Variants in NALCN observed in about 807,000 individuals in gnomAD.
NALCN encodes the protein sodium leak channel, non-selective.
NALCN carries 111 observed loss-of-function variants against 225.3 expected under a neutral mutation model. The ratio of observed to expected loss-of-function variants is 0.49; its 90% confidence interval spans 0.42 to 0.58. The LOEUF is 0.58. NALCN is among the 20% of genes least tolerant of loss of function. NALCN has a pLI of 0.00. For missense variants in NALCN, 1,378 were observed against 2,202.4 expected, an observed-to-expected ratio of 0.63 and a Z score of 7.49; for synonymous variants, 764 against 769.0, an observed-to-expected ratio of 0.99 and a Z score of 0.11.
At chr13:101,257,139 G>A (rs1295631244) in intron 11 of NALCN, among the ~76,000 whole-genome samples, 1 of 151,588 alleles carries the variant, frequency 6.6e-6, no homozygotes, top group Non-Finnish European at 1.5e-5. Flanking sequence ...TTCAGAGGCT[G>A]GGCTGGATAT....
chr13:101,178,987 T>A (rs1299466637), intron 14 of NALCN, among the ~76,000 whole-genome samples: 2 of 152,070 alleles, frequency 1.3e-5, no homozygotes, highest in Non-Finnish European at 2.9e-5. Context: ...CTTAATTATA[T>A]CCCCCAAACT....
At chr13:101,106,721 G>A (rs973823149) in intron 22 of NALCN, among the ~76,000 whole-genome samples, 1 of 152,148 alleles carries the variant, frequency 6.6e-6, no homozygotes, top group African/African-American at 2.4e-5. Context: ...TCTCTTGTCT[G>A]CTGCCATGTA....
At chr13:101,198,365 T>C (rs1344273144) in intron 13 of NALCN, among the ~76,000 whole-genome samples, 1 of 152,128 alleles carries the variant, frequency 6.6e-6, no homozygotes, top group East Asian at 1.9e-4. Context: ...ACTTACAGAA[T>C]GGGAGAAAAT....
At chr13:101,187,984 C>A (rs1231133546) in intron 14 of NALCN, among the ~76,000 whole-genome samples, 1 of 152,126 alleles carries the variant, frequency 6.6e-6, no homozygotes, top group Non-Finnish European at 1.5e-5. Flanking sequence ...GGTATCTGGG[C>A]TTGCAGGTCC....
intron 13 of NALCN, among the ~76,000 whole-genome samples, chr13:101,201,150 T>G (rs1395115343): frequency 1.3e-5 from 2 of 152,176 alleles, no homozygotes; most frequent in African/African-American, 4.8e-5. Flanking sequence ...GGGTCTATAC[T>G]ATTTTTTTTG....
intron 40 of NALCN, among the ~76,000 whole-genome samples, chr13:101,064,022 A>G (rs1660773894): frequency 6.6e-6 from 1 of 152,244 alleles, no homozygotes; most frequent in Non-Finnish European, 1.5e-5. Context: ...AACGGCAGTG[A>G]TAAAGTAACA....
At chr13:101,210,281 C>T (rs1008059360) in intron 13 of NALCN, among the ~76,000 whole-genome samples, 2 of 152,068 alleles carry the variant, frequency 1.3e-5, no homozygotes, top group African/African-American at 2.4e-5. Context: ...ATTAAGATTT[C>T]AACATTGATT....
At chr13:101,394,491 T>C (rs1409270855) in intron 3 of NALCN, among the ~76,000 whole-genome samples, 1 of 152,204 alleles carries the variant, frequency 6.6e-6, no homozygotes, top group Non-Finnish European at 1.5e-5. Flanking sequence ...CTTCCCCAAA[T>C]AGTACAATTT....
At chr13:101,126,377 GA>G (rs749565148) in intron 17 of NALCN, among the ~76,000 whole-genome samples, 2 of 152,136 alleles carry the variant, frequency 1.3e-5, no homozygotes, top group Non-Finnish European at 2.9e-5. Context: ...AAGGAGACAA[GA>G]GTGGATACCA....
At chr13:101,333,673 C>A (rs1194985218) in intron 7 of NALCN, among the ~76,000 whole-genome samples, 1 of 152,150 alleles carries the variant, frequency 6.6e-6, no homozygotes, top group Non-Finnish European at 1.5e-5. Flanking sequence ...TCTTCATTAG[C>A]CTTGAGGTAA....
rs58134950 is a variant in NALCN, at chr13:101,204,971, G to A, written c.1627-12917C>T. Among the ~76,000 whole-genome samples, 9 of 152,236 alleles carry A rather than the reference G, an allele frequency of 5.9e-5. No individual in the cohort carries two copies. In the East Asian group the frequency reaches 1.7e-3, roughly 29 times the overall value. ...GATATAATGGCCCCTACTGCAGATGGAGAGCTGAAGTACATAGGGTTTAAA... is the reference window on the plus strand; with the variant it reads ...GATATAATGGCCCCTACTGCAGATGAAGAGCTGAAGTACATAGGGTTTAAA... On this transcript the variant is annotated intron_variant, in intron 13 of 43. Transcript: ENST00000251127.
intron 7 of NALCN, among the ~76,000 whole-genome samples, chr13:101,314,135 C>T (rs1281185405): frequency 6.5e-5 from 8 of 123,142 alleles, no homozygotes; most frequent in Middle Eastern, 7.5e-3. Context: ...CACAGGAAGG[C>T]GAACATCACA....
rs74120427 is a variant in NALCN at position 101,233,121 on chromosome 13, C to T, written c.1435-3537G>A. 7.7e-3 allele frequency among the ~76,000 whole-genome samples: 1,170 copies of T among 152,100 alleles called. 15 individuals are homozygous for T. Among genetic ancestry groups the T allele is most frequent in the African/African-American group, 0.026 (1,084 of 41,468 alleles). ...TCAGCAGGTTTTTCACTCTATCTAC[C>T]CTATAAAGATTTTTGATTTTGTGTT... On this transcript the variant is annotated intron_variant, in intron 12 of 43. Coordinates refer to ENST00000251127, the MANE Select transcript of NALCN (RefSeq NM_052867.4).
At chr13:101,297,453 T>C (rs2043798321) in intron 7 of NALCN, among the ~76,000 whole-genome samples, 1 of 152,218 alleles carries the variant, frequency 6.6e-6, no homozygotes, top group African/African-American at 2.4e-5. Context: ...TCCATTTCTT[T>C]CTCTCTCCCA....
At position 101,304,998 on chromosome 13, in the gene NALCN, G is replaced by A. The variant is rs538491297; in HGVS notation, c.800-12632C>T. ...TCTTGATCTCCTGACCTCGTGATCC[G>A]CCCGCCTCAGCCTCCCAAAGTGCTG... On this transcript the variant is annotated intron_variant, in intron 7 of 43. Coordinates refer to ENST00000251127, the MANE Select transcript of NALCN (RefSeq NM_052867.4). Among the ~76,000 whole-genome samples the A allele has an allele frequency of 1.1e-3, 160 of 151,488 alleles. 1 individual carries two copies. The highest frequency in any genetic ancestry group is 3.7e-3 in the African/African-American group (153 of 41,316).
intron 6 of NALCN, among the ~76,000 whole-genome samples, chr13:101,349,050 G>A (rs1211010891): frequency 6.6e-6 from 1 of 152,052 alleles, no homozygotes; most frequent in Admixed American, 6.6e-5. Flanking sequence ...AGTTGGGGGT[G>A]GGGTGGATGG....
intron 13 of NALCN, among the ~76,000 whole-genome samples, chr13:101,228,980 A>G (rs958290701): frequency 2.6e-5 from 4 of 152,182 alleles, no homozygotes; most frequent in African/African-American, 7.2e-5. Context: ...ATTTTATTTT[A>G]TTGAAAATCA....
intron 15 of NALCN, among the ~76,000 whole-genome samples, chr13:101,168,061 C>A: frequency 6.6e-6 from 1 of 152,158 alleles, no homozygotes; most frequent in East Asian, 1.9e-4. Context: ...TCTTTGAGAT[C>A]GTTGAACAAG....
intron 10 of NALCN, among the ~76,000 whole-genome samples, chr13:101,261,613 A>G (rs2042430124): frequency 6.6e-6 from 1 of 152,118 alleles, no homozygotes; most frequent in Admixed American, 6.5e-5. Context: ...AGCTACCGTA[A>G]ATGGGATTAC....
Sources: allele counts gnomAD v4.1 joint callset (sites outside exome capture counted in the v4.1 genomes callset), GRCh38; gene constraint gnomAD v4.1.1; transcripts MANE v1.5; gene names NCBI Gene and HGNC (gene_info 2026-07-23, HGNC 2026-07-21).